LGALS3: variants seen among roughly 807,000 people sequenced by gnomAD.
LGALS3 encodes galectin 3, also known as galectin-3.
In LGALS3, 18 loss-of-function variants were observed where a neutral mutation model predicts 20.7. The observed-to-expected ratio is 0.87, with a 90% CI of 0.60 to 1.29. LGALS3 has a LOEUF of 1.29. Among genes scored for constraint, LGALS3 ranks in the 50% most tolerant of loss-of-function variants. The pLI is 0.00. For missense variants in LGALS3, 315 were observed against 314.7 expected (o/e 1.00, Z -0.01); for synonymous variants, 112 against 119.6 (o/e 0.94, Z 0.42).
chr14:55,130,179 T>C (rs1240960690), intron 1 of LGALS3, among the ~76,000 whole-genome samples: 1 of 152,146 alleles, frequency 6.6e-6, no homozygotes, highest in Non-Finnish European at 1.5e-5. Flanking sequence ...TCACAACATG[T>C]TTGAGAGTTT....
chr14:55,139,445 T>C (rs1881540086), intron 3 of LGALS3, among the ~76,000 whole-genome samples: 1 of 152,160 alleles, frequency 6.6e-6, no homozygotes, highest in Non-Finnish European at 1.5e-5. Context: ...ACAGGACTAG[T>C]ACACACCAGG....
At chr14:55,132,574 C>CTT (rs1881264229) in intron 1 of LGALS3, among the ~76,000 whole-genome samples, 1 of 151,834 alleles carries the variant, frequency 6.6e-6, no homozygotes, top group African/African-American at 2.4e-5. Context: ...TAATGCTTTT[C>CTT]TTTTCTTTTT....
intron 1 of LGALS3, among the ~76,000 whole-genome samples, chr14:55,135,983 G>A (rs1881384857): frequency 6.6e-6 from 1 of 152,160 alleles, no homozygotes; most frequent in Non-Finnish European, 1.5e-5. Flanking sequence ...GGATATTCTG[G>A]TTGTTTCAAG....
intron 3 of LGALS3, among the ~76,000 whole-genome samples, chr14:55,138,961 C>T (rs1478460814): frequency 1.3e-5 from 2 of 152,072 alleles, no homozygotes; most frequent in African/African-American, 4.8e-5. Flanking sequence ...TCCTTCCTTT[C>T]CAGATTTATA....
chr14:55,135,466 T>C (rs947255672), intron 1 of LGALS3, among the ~76,000 whole-genome samples: 17 of 151,290 alleles, frequency 1.1e-4, no homozygotes, highest in African/African-American at 4.1e-4. Flanking sequence ...TCAACCTGTA[T>C]AAAATATCCA....
At position 55,138,334 on chromosome 14, in the gene LGALS3, C is replaced by A. The variant is rs762089316; in HGVS notation, c.308C>A (p.Ala103Asp). The A allele has an allele frequency of 1.9e-6, 3 of 1,612,816 alleles. No individual in the cohort carries two copies. The highest frequency in any genetic ancestry group is 1.7e-5 in the Admixed American group (1 of 59,974). Residue 103 changes from alanine (A) to aspartate (D), a missense_variant, in exon 3 of 6, where the codon GCC (alanine) becomes GAC (aspartate). Ala to Asp is a moderately radical substitution (Grantham distance 126). Coordinates refer to ENST00000254301, the MANE Select transcript of LGALS3 (RefSeq NM_002306.4). ...GQPSATGAYP[A>D]TGPYGAPAGP... is the part of the protein sequence containing the mutation. Reference sequence around the variant, plus strand: ...CCAAGTGCCACCGGAGCCTACCCTGCCACTGGCCCCTATGGCGCCCCTGCT... The same window carrying A: ...CCAAGTGCCACCGGAGCCTACCCTGACACTGGCCCCTATGGCGCCCCTGCT...
intron 4 of LGALS3, 124 bp downstream of exon 4, chr14:55,140,487 A>G (rs1042864425): frequency 9.9e-6 from 6 of 604,096 alleles, no homozygotes; most frequent in African/African-American, 1.9e-5. Context: ...AAAATTTTAA[A>G]AACTACATAT....
Position 55,138,239 on chromosome 14 carries a change from C to CG in LGALS3, c.215dup (p.Ala73SerfsTer47), listed in dbSNP as rs1440825913. On this transcript the variant is annotated frameshift_variant, in exon 3 of 6. Coordinates refer to ENST00000254301, the MANE Select transcript of LGALS3 (RefSeq NM_002306.4). LOFTEE classifies it high-confidence loss of function. ...ACCCTGGAGCACCTGGAGCTTATCC[C>CG]GGAGCACCTGCACCTGGAGTCTACC... 6.8e-6 allele frequency: 11 copies of CG among 1,612,654 alleles called. No individual in the cohort carries two copies. The highest frequency in any genetic ancestry group is 3.3e-5 in the Admixed American group (2 of 60,002).
At chr14:55,143,714 T>G (rs6573006) in intron 5 of LGALS3, 1 of 156,242 alleles carries the variant, frequency 6.4e-6, no homozygotes, top group African/African-American at 2.4e-5. Context: ...TGAGCCACCA[T>G]GCCTGGCCAG....
chr14:55,137,599 T>C, intron 2 of LGALS3: 1 of 1,463,110 alleles, frequency 6.8e-7, no homozygotes, highest in Non-Finnish European at 9.0e-7. Flanking sequence ...GGCCTGGGAC[T>C]CACTCACAGT....
intron 2 of LGALS3, 101 bp from the exon 3 acceptor site, chr14:55,137,944 C>A: frequency 7.1e-7 from 1 of 1,411,722 alleles, no homozygotes; most frequent in Non-Finnish European, 9.3e-7. Context: ...AATGCCTTTG[C>A]CATATTCCTC....
At chr14:55,138,462 G>T in intron 3 of LGALS3, 94 bp downstream of exon 3, 1 of 1,337,352 alleles carries the variant, frequency 7.5e-7, no homozygotes, top group Non-Finnish European at 1.1e-6. Context: ...CACTTCTCAA[G>T]GGCCAGCCAT....
At chr14:55,136,098 A>G (rs1881387346) in intron 1 of LGALS3, among the ~76,000 whole-genome samples, 1 of 152,212 alleles carries the variant, frequency 6.6e-6, no homozygotes. Flanking sequence ...TGGAGCACCT[A>G]CAACAGCTGT....
In LGALS3 at chr14:55,140,274, G is replaced by C; in HGVS notation, c.343-1G>C. On this transcript the variant is annotated splice_acceptor_variant, in intron 3 of 5. Coordinates refer to ENST00000254301, the MANE Select transcript of LGALS3 (RefSeq NM_002306.4). LOFTEE classifies it high-confidence loss of function. ...ACACATATGTACTTGTTAATTCCCA[G>C]ATTGTGCCTTATAACCTGCCTTTGC... is the stretch of plus-strand genomic sequence containing the variant. 1.9e-6 allele frequency: 3 copies of C among 1,607,786 alleles called. No individual in the cohort carries two copies. Among genetic ancestry groups the C allele is most frequent in the Non-Finnish European group, 2.6e-6 (3 of 1,174,606 alleles).
chr14:55,130,859 C>G (rs1179383199), intron 1 of LGALS3, among the ~76,000 whole-genome samples: 1 of 151,998 alleles, frequency 6.6e-6, no homozygotes, highest in Non-Finnish European at 1.5e-5. Context: ...TAGGCGTGGG[C>G]CACTGCGCCT....
intron 1 of LGALS3, among the ~76,000 whole-genome samples, chr14:55,131,571 G>C (rs1427736073): frequency 3.3e-5 from 5 of 152,162 alleles, no homozygotes; most frequent in African/African-American, 9.7e-5. Context: ...CTTCTTTCCT[G>C]TGATCGTTTG....
intron 1 of LGALS3, among the ~76,000 whole-genome samples, chr14:55,136,216 C>T (rs1881390348): frequency 6.6e-6 from 1 of 152,130 alleles, no homozygotes; most frequent in South Asian, 2.1e-4. Context: ...GCATCTTAGA[C>T]CCAAATATTT....
chr14:55,140,828 G>A (rs1881597591), intron 4 of LGALS3, among the ~76,000 whole-genome samples: 1 of 152,018 alleles, frequency 6.6e-6, no homozygotes, highest in African/African-American at 2.4e-5. Flanking sequence ...CTTTACTATT[G>A]GAAGTAGTTT....
intron 1 of LGALS3, among the ~76,000 whole-genome samples, chr14:55,134,358 T>C (rs1189601337): frequency 6.6e-6 from 1 of 152,170 alleles, no homozygotes; most frequent in Non-Finnish European, 1.5e-5. Flanking sequence ...GGTGCTGAGG[T>C]TCACAATAAG....
Sources: gnomAD v4.1 joint callset for allele counts (sites outside exome capture counted in the v4.1 genomes callset) on GRCh38, gnomAD v4.1.1 for gene constraint, MANE v1.5 for transcripts, NCBI Gene and HGNC (gene_info 2026-07-23, HGNC 2026-07-21) for gene names.